The following SGCZ variants were observed in gnomAD, a reference collection of about 807,000 sequenced individuals.
The protein encoded by SGCZ is sarcoglycan zeta.
In SGCZ, 40 loss-of-function variants were observed where a neutral mutation model predicts 41.3. That is an observed-to-expected ratio of 0.97 (90% CI 0.75 to 1.26). The LOEUF is 1.26. Ranked by LOEUF, SGCZ falls within the 50% of genes most tolerant of loss-of-function variation. The probability of loss-of-function intolerance (pLI) is 0.00; values close to 1 mark genes in which losing one functional copy is unlikely to be tolerated. For synonymous variants in SGCZ, 206 were observed against 137.5 expected (o/e 1.50, Z -3.49); for missense variants, 552 against 369.8 (o/e 1.49, Z -4.04).
chr8:15,179,725 G>GT, intron 1 of SGCZ, among the ~76,000 whole-genome samples: 1 of 152,288 alleles, frequency 6.6e-6, no homozygotes, highest in Middle Eastern at 3.4e-3. Flanking sequence ...CCTCAAAAAA[G>GT]TAATTCTGCC....
At chr8:14,584,362 A>C (rs928364572) in intron 1 of SGCZ, among the ~76,000 whole-genome samples, 1 of 152,236 alleles carries the variant, frequency 6.6e-6, no homozygotes, top group Non-Finnish European at 1.5e-5. Flanking sequence ...CTTGATTTTT[A>C]TGATGTGGAT....
chr8:14,347,398 G>A (rs1251997833), intron 2 of SGCZ, among the ~76,000 whole-genome samples: 1 of 151,970 alleles, frequency 6.6e-6, no homozygotes, highest in Non-Finnish European at 1.5e-5. Flanking sequence ...ATTATTAATT[G>A]TTCTCCATAT....
At chr8:14,666,171 C>G (rs1412594858) in intron 1 of SGCZ, among the ~76,000 whole-genome samples, 2 of 152,168 alleles carry the variant, frequency 1.3e-5, no homozygotes, top group African/African-American at 4.8e-5. Flanking sequence ...AATGTCCTAA[C>G]AAATACTAGG....
chr8:14,574,053 G>A (rs1804637229), intron 1 of SGCZ, among the ~76,000 whole-genome samples: 1 of 152,128 alleles, frequency 6.6e-6, no homozygotes, highest in African/African-American at 2.4e-5. Context: ...TCCAAACACT[G>A]TTGATAATCT....
chr8:14,151,159 A>G (rs1265093268), intron 5 of SGCZ, among the ~76,000 whole-genome samples: 1 of 152,146 alleles, frequency 6.6e-6, no homozygotes, highest in East Asian at 1.9e-4. Flanking sequence ...CACATTTTAA[A>G]ATGTATCTTA....
At chr8:14,098,367 AC>A (rs1347621973) in intron 7 of SGCZ, among the ~76,000 whole-genome samples, 2 of 152,050 alleles carry the variant, frequency 1.3e-5, no homozygotes, top group African/African-American at 4.8e-5. Context: ...AACAACAAAA[AC>A]CCAAGGCAAT....
intron 1 of SGCZ, among the ~76,000 whole-genome samples, chr8:15,128,113 CT>C (rs1202168259): frequency 2.0e-5 from 3 of 152,014 alleles, no homozygotes; most frequent in African/African-American, 4.8e-5. Flanking sequence ...CATCTGTCCT[CT>C]TTTTTTTCAC....
chr8:14,129,386 C>T (rs543593543), intron 5 of SGCZ, among the ~76,000 whole-genome samples: 1 of 137,448 alleles, frequency 7.3e-6, no homozygotes, highest in East Asian at 2.2e-4. Context: ...TGCTCTTGTA[C>T]TCATAAATTT....
At chr8:15,018,172 C>T (rs888117114) in intron 1 of SGCZ, among the ~76,000 whole-genome samples, 36 of 152,314 alleles carry the variant, frequency 2.4e-4, no homozygotes, top group African/African-American at 7.9e-4. Flanking sequence ...AAACCTACAT[C>T]CTCTGGAATA....
At chr8:14,953,881 C>A (rs1223766903) in intron 1 of SGCZ, among the ~76,000 whole-genome samples, 1 of 152,062 alleles carries the variant, frequency 6.6e-6, no homozygotes, top group Non-Finnish European at 1.5e-5. Flanking sequence ...TCTCTACTTG[C>A]CTAAAATATG....
At chr8:14,529,165 C>T (rs1028691310) in intron 2 of SGCZ, among the ~76,000 whole-genome samples, 7 of 152,158 alleles carry the variant, frequency 4.6e-5, no homozygotes, top group Admixed American at 3.9e-4. Context: ...ATATTCAACA[C>T]ATATAAAGTC....
At chr8:15,122,612 C>G (rs528540945) in intron 1 of SGCZ, among the ~76,000 whole-genome samples, 2 of 152,264 alleles carry the variant, frequency 1.3e-5, no homozygotes, top group East Asian at 3.9e-4. Context: ...ATCACGTTAA[C>G]TGAATGCCCA....
chr8:14,323,382 C>A (rs1801994038), intron 3 of SGCZ, among the ~76,000 whole-genome samples: 1 of 151,974 alleles, frequency 6.6e-6, no homozygotes, highest in Non-Finnish European at 1.5e-5. Context: ...TCCATTACTT[C>A]TCTCTTAATA....
intron 3 of SGCZ, among the ~76,000 whole-genome samples, chr8:14,316,814 CA>C (rs1801734120): frequency 1.9e-4 from 1 of 5,160 alleles, no homozygotes. Flanking sequence ...TTATTATAGA[CA>C]CACACACACA....
chr8:14,656,880 G>T (rs1056328751), intron 1 of SGCZ, among the ~76,000 whole-genome samples: 1 of 151,856 alleles, frequency 6.6e-6, no homozygotes, highest in African/African-American at 2.4e-5. Flanking sequence ...TGACCCTACA[G>T]ATAAGTATTA....
At chr8:14,190,776 A>G (rs1805075995) in intron 4 of SGCZ, among the ~76,000 whole-genome samples, 1 of 151,130 alleles carries the variant, frequency 6.6e-6, no homozygotes, top group Non-Finnish European at 1.5e-5. Context: ...CTAATTTTTT[A>G]TATTTTTAGT....
At chr8:14,725,054 A>C (rs974662075) in intron 1 of SGCZ, among the ~76,000 whole-genome samples, 2 of 152,062 alleles carry the variant, frequency 1.3e-5, no homozygotes, top group African/African-American at 2.4e-5. Context: ...TATCTCCATG[A>C]GGTCAACTTT....
intron 4 of SGCZ, among the ~76,000 whole-genome samples, chr8:14,184,141 C>A (rs995852438): frequency 2.0e-5 from 3 of 152,064 alleles, no homozygotes; most frequent in Admixed American, 1.3e-4. Flanking sequence ...CTTAAAAAAT[C>A]ATTCTAATGA....
At chr8:15,042,935 C>T (rs1249707299) in intron 1 of SGCZ, among the ~76,000 whole-genome samples, 1 of 152,134 alleles carries the variant, frequency 6.6e-6, no homozygotes, top group Non-Finnish European at 1.5e-5. Context: ...CTGCAATCTC[C>T]TCTGCTCCCA....
Sources: allele counts gnomAD v4.1 joint callset (sites outside exome capture counted in the v4.1 genomes callset), GRCh38; gene constraint gnomAD v4.1.1; transcripts MANE v1.5; gene names NCBI Gene and HGNC (gene_info 2026-07-23, HGNC 2026-07-21).